The following GABRG3 variants were observed in gnomAD, a reference collection of about 807,000 sequenced individuals.
The protein encoded by GABRG3 is gamma-aminobutyric acid receptor subunit gamma-3.
Under a neutral mutation model 48.8 loss-of-function variants are expected in GABRG3, and 25 were observed. That is an observed-to-expected ratio of 0.51 (90% CI 0.37 to 0.72). The LOEUF is 0.72. Ranked by LOEUF, GABRG3 falls within the 30% of genes least tolerant of loss-of-function variation. The probability of loss-of-function intolerance (pLI) is 0.00; values close to 1 mark genes in which losing one functional copy is unlikely to be tolerated. For missense variants in GABRG3, 394 were observed against 577.9 expected, an observed-to-expected ratio of 0.68 and a Z score of 3.26; for synonymous variants, 227 against 217.6, an observed-to-expected ratio of 1.04 and a Z score of -0.38.
intron 6 of GABRG3, chr15:27,483,226 C>A (rs898865742): frequency 6.6e-6 from 1 of 152,080 alleles, no homozygotes; most frequent in Non-Finnish European, 1.5e-5. Flanking sequence ...TTCCGAGTGC[C>A]GTGAAGGAAG....
intron 3 of GABRG3, among the ~76,000 whole-genome samples, chr15:27,313,895 C>A (rs1893116745): frequency 6.6e-6 from 1 of 151,832 alleles, no homozygotes; most frequent in South Asian, 2.1e-4. Context: ...AGTAAACAAC[C>A]TAACTTTACA....
chr15:27,378,502 C>T (rs140597252), intron 5 of GABRG3, among the ~76,000 whole-genome samples: 38 of 152,112 alleles, frequency 2.5e-4, no homozygotes, highest in African/African-American at 8.0e-4. Context: ...GAGAATAAAT[C>T]GGATTTGAGT....
chr15:27,099,796 C>G (rs966098820), intron 3 of GABRG3, among the ~76,000 whole-genome samples: 1 of 151,892 alleles, frequency 6.6e-6, no homozygotes, highest in Admixed American at 6.6e-5. Context: ...GAGGAAAACA[C>G]AAAAAACCAC....
chr15:27,097,238 A>C (rs1402926082), intron 3 of GABRG3, among the ~76,000 whole-genome samples: 1 of 152,016 alleles, frequency 6.6e-6, no homozygotes, highest in African/African-American at 2.4e-5. Context: ...GCTGCTGGGC[A>C]TGTAAGAAAT....
At chr15:27,155,001 C>T (rs571462199) in intron 3 of GABRG3, among the ~76,000 whole-genome samples, 1 of 152,078 alleles carries the variant, frequency 6.6e-6, no homozygotes, top group South Asian at 2.1e-4. Flanking sequence ...TCTTTCCATT[C>T]TTCCTGGACT....
chr15:27,280,902 CAAAGTT>C (rs1205677204), intron 3 of GABRG3, among the ~76,000 whole-genome samples: 1 of 152,134 alleles, frequency 6.6e-6, no homozygotes, highest in African/African-American at 2.4e-5. Context: ...ATTTTTCTGT[CAAAGTT>C]GAGAGAGGGG....
At chr15:27,411,335 C>A (rs1887790802) in intron 5 of GABRG3, among the ~76,000 whole-genome samples, 1 of 152,132 alleles carries the variant, frequency 6.6e-6, no homozygotes, top group Non-Finnish European at 1.5e-5. Flanking sequence ...TCCAAAGCTC[C>A]TAACCCATTC....
At chr15:27,497,531 C>T (rs1315839280) in intron 6 of GABRG3, among the ~76,000 whole-genome samples, 3 of 152,142 alleles carry the variant, frequency 2.0e-5, no homozygotes, top group Admixed American at 2.0e-4. Context: ...AAAAATTTGC[C>T]TTATTTTACT....
intron 3 of GABRG3, among the ~76,000 whole-genome samples, chr15:27,092,289 G>C (rs1220234444): frequency 2.6e-5 from 4 of 152,210 alleles, no homozygotes; most frequent in Non-Finnish European, 1.5e-5. Flanking sequence ...TGGTCTCCCA[G>C]ATTTGAGTCT....
At chr15:27,496,335 G>A (rs1890486585) in intron 6 of GABRG3, among the ~76,000 whole-genome samples, 1 of 152,168 alleles carries the variant, frequency 6.6e-6, no homozygotes, top group African/African-American at 2.4e-5. Context: ...GCTTTTTCTG[G>A]GATGTGTGGC....
In GABRG3 at chr15:27,540,714, G is replaced by C. The variant is rs889491780; in HGVS notation, c.*7833G>C. On this transcript the variant is annotated 3_prime_UTR_variant, in exon 10 of 10. Coordinates refer to ENST00000615808, the MANE Select transcript of GABRG3 (RefSeq NM_033223.5). ...GTGCAGCTCCGGTACTGAGCAAAAG[G>C]TTCGTTGTTTAGGAGTGAAATTTTC... 3.1e-4 allele frequency: 47 copies of C among 152,296 alleles called. 2 individuals are homozygous for C. The highest frequency in any genetic ancestry group is 2.0e-3 in the Admixed American group (31 of 15,310). The allele number at this position is 152,296 out of a possible 1,614,324, so 9.4% of individuals were successfully genotyped here. A position where few individuals can be genotyped will look rare whatever the true frequency, so the allele number is the denominator to read the frequency against.
At position 27,136,695 on chromosome 15, in the gene GABRG3, A is replaced by T. The variant is rs537756805; in HGVS notation, c.270+109874A>T. Among the ~76,000 whole-genome samples the T allele has an allele frequency of 1.8e-4, 27 of 152,264 alleles. 1 individual carries two copies. The South Asian group carries it at 5.2e-3, about 29-fold the overall frequency. On this transcript the variant is annotated intron_variant, in intron 3 of 9. Coordinates refer to ENST00000615808, the MANE Select transcript of GABRG3 (RefSeq NM_033223.5). ...AAAAATAGCATTTCCCAATTATGTT[A>T]TCTTGGATATAGTATTCTAAATTTA...
intron 2 of GABRG3, among the ~76,000 whole-genome samples, chr15:26,997,123 T>G (rs1173420618): frequency 6.6e-6 from 1 of 152,232 alleles, no homozygotes; most frequent in Non-Finnish European, 1.5e-5. Context: ...TGTGAATTTT[T>G]CATTTTGATT....
chr15:27,491,113 C>T (rs1228400410), intron 6 of GABRG3, among the ~76,000 whole-genome samples: 1 of 152,220 alleles, frequency 6.6e-6, no homozygotes, highest in Non-Finnish European at 1.5e-5. Flanking sequence ...GGGGTGCTCT[C>T]ATGCCCTCCT....
intron 3 of GABRG3, among the ~76,000 whole-genome samples, chr15:27,045,199 G>A (rs1005218123): frequency 6.6e-6 from 1 of 152,218 alleles, no homozygotes; most frequent in African/African-American, 2.4e-5. Context: ...ACCTATTGGA[G>A]AATTCCCTGA....
chr15:27,051,522 G>A (rs1028432119), intron 3 of GABRG3, among the ~76,000 whole-genome samples: 1 of 152,182 alleles, frequency 6.6e-6, no homozygotes, highest in African/African-American at 2.4e-5. Flanking sequence ...TCATGAGGGT[G>A]GAGGCCCCAC....
At chr15:27,286,940 GC>G (rs1265334414) in intron 3 of GABRG3, among the ~76,000 whole-genome samples, 1 of 152,152 alleles carries the variant, frequency 6.6e-6, no homozygotes, top group Non-Finnish European at 1.5e-5. Context: ...CGTGTAATAG[GC>G]GACTGAAGTG....
Position 27,236,826 on chromosome 15 carries a change from G to A in GABRG3, c.271-89983G>A, listed in dbSNP as rs28584617. Reference sequence around the variant, plus strand: ...GAAGAGGCATGAAGCGCAATTGCACGTGTGTTTGTTTTATCAATATTCGTG... The same window carrying A: ...GAAGAGGCATGAAGCGCAATTGCACATGTGTTTGTTTTATCAATATTCGTG... On this transcript the variant is annotated intron_variant, in intron 3 of 9. Coordinates refer to ENST00000615808, the MANE Select transcript of GABRG3 (RefSeq NM_033223.5). The surrounding 1 kb of genome is among the most constrained non-coding windows in gnomAD (Gnocchi z 4.4). Among the ~76,000 whole-genome samples the A allele has an allele frequency of 0.25, 38,609 of 152,132 alleles. 7,577 individuals carry two copies. Among genetic ancestry groups the A allele is most frequent in the African/African-American group, 0.53 (21,878 of 41,446 alleles).
intron 3 of GABRG3, among the ~76,000 whole-genome samples, chr15:27,151,968 C>A (rs1201842009): frequency 6.6e-6 from 1 of 152,150 alleles, no homozygotes; most frequent in East Asian, 1.9e-4. Context: ...TTGACATCCT[C>A]TTAGCAAAGT....
Sources: allele counts gnomAD v4.1 joint callset (sites outside exome capture counted in the v4.1 genomes callset), GRCh38; gene constraint gnomAD v4.1.1; non-coding constraint Gnocchi (gnomAD v3.1); transcripts MANE v1.5; gene names NCBI Gene and HGNC (gene_info 2026-07-23, HGNC 2026-07-21).